Variants in CRIM1 observed in about 807,000 individuals in gnomAD.
The protein encoded by CRIM1 is cysteine rich transmembrane BMP regulator 1, also known as cysteine-rich motor neuron 1 protein.
CRIM1 carries 32 observed loss-of-function variants against 116.4 expected under a neutral mutation model. That is an observed-to-expected ratio of 0.27 (90% CI 0.21 to 0.37). CRIM1 has a LOEUF of 0.37. Ranked by LOEUF, CRIM1 falls within the 10% of genes least tolerant of loss-of-function variation. CRIM1 has a pLI of 1.00. For missense variants in CRIM1, 1,331 were observed against 1,354.8 expected, an observed-to-expected ratio of 0.98 and a Z score of 0.28; for synonymous variants, 590 against 509.2, an observed-to-expected ratio of 1.16 and a Z score of -2.13.
chr2:36,377,261 T>G (rs756254310), intron 1 of CRIM1, among the ~76,000 whole-genome samples: 1 of 152,248 alleles, frequency 6.6e-6, no homozygotes, highest in Non-Finnish European at 1.5e-5. Context: ...ACCCCAGTCT[T>G]GGGGCATTTT....
chr2:36,417,787 A>G (rs1673738440), intron 2 of CRIM1, among the ~76,000 whole-genome samples: 1 of 152,224 alleles, frequency 6.6e-6, no homozygotes, highest in Non-Finnish European at 1.5e-5. Flanking sequence ...ACTCACTAGA[A>G]TAGAAAGTAG....
chr2:36,458,257 ACAT>A (rs1449845343), intron 4 of CRIM1, among the ~76,000 whole-genome samples: 1 of 152,120 alleles, frequency 6.6e-6, no homozygotes. Context: ...TGTTAGGATA[ACAT>A]CAGCACCCAC....
chr2:36,369,500 A>T (rs892356702), intron 1 of CRIM1, among the ~76,000 whole-genome samples: 7 of 152,204 alleles, frequency 4.6e-5, no homozygotes, highest in Non-Finnish European at 7.3e-5. Context: ...CTCTGTGAGG[A>T]TCCCTTCCAA....
intron 2 of CRIM1, among the ~76,000 whole-genome samples, chr2:36,401,481 T>G (rs911201022): frequency 6.6e-6 from 1 of 152,212 alleles, no homozygotes; most frequent in Non-Finnish European, 1.5e-5. Context: ...TATGTTAGAC[T>G]GAGCACCACA....
At chr2:36,522,028 A>G in intron 12 of CRIM1, 64 bp from the exon 13 acceptor site, 1 of 1,391,602 alleles carries the variant, frequency 7.2e-7, no homozygotes, top group Non-Finnish European at 1.0e-6. Flanking sequence ...TTTGAAACAC[A>G]CTATGTTGCA....
intron 2 of CRIM1, among the ~76,000 whole-genome samples, chr2:36,424,188 A>G (rs75651405): frequency 0.012 from 1,753 of 152,306 alleles, 32 homozygotes; most frequent in African/African-American, 0.039. Flanking sequence ...TAATGATGCA[A>G]TGTGAACATT....
intron 8 of CRIM1, among the ~76,000 whole-genome samples, chr2:36,505,245 A>G (rs546679050): frequency 6.6e-6 from 1 of 152,350 alleles, no homozygotes; most frequent in African/African-American, 2.4e-5. Flanking sequence ...CTAAGAGTTT[A>G]AAATACACTA....
chr2:36,460,004 TA>T (rs1358413586), intron 4 of CRIM1, among the ~76,000 whole-genome samples: 1 of 152,076 alleles, frequency 6.6e-6, no homozygotes, highest in African/African-American at 2.4e-5. Flanking sequence ...CAGAACCTCC[TA>T]AGGGGGTGAG....
intron 11 of CRIM1, 76 bp from the exon 12 acceptor site, chr2:36,517,251 G>A: frequency 8.3e-7 from 1 of 1,205,254 alleles, no homozygotes; most frequent in Non-Finnish European, 1.2e-6. Flanking sequence ...ATCCCTTAAA[G>A]CAAACAGCAC....
At chr2:36,396,914 A>G (rs1422068855) in intron 2 of CRIM1, 127 bp downstream of exon 2, 2 of 759,464 alleles carry the variant, frequency 2.6e-6, no homozygotes, top group South Asian at 2.3e-5. Flanking sequence ...GTATAATCCC[A>G]ACTAAGATGC....
At chr2:36,517,279 G>C (rs1438310603) in intron 11 of CRIM1, 48 bp from the exon 12 acceptor site, 2 of 1,504,238 alleles carry the variant, frequency 1.3e-6, no homozygotes, top group Non-Finnish European at 1.9e-6. Context: ...TCAAGAGTTG[G>C]AAAGATTGCA....
chr2:36,538,452 C>T (rs1168218016), intron 14 of CRIM1, among the ~76,000 whole-genome samples: 2 of 152,162 alleles, frequency 1.3e-5, no homozygotes, highest in Non-Finnish European at 2.9e-5. Context: ...CCTCGATTCT[C>T]ATGTTTTCTC....
At chr2:36,533,021 T>G (rs1468958706) in intron 13 of CRIM1, among the ~76,000 whole-genome samples, 2 of 152,230 alleles carry the variant, frequency 1.3e-5, no homozygotes, top group Non-Finnish European at 2.9e-5. Context: ...ATAAACTGTT[T>G]TGGTTATTTT....
chr2:36,491,124 G>T (rs1358559765), intron 7 of CRIM1, among the ~76,000 whole-genome samples: 3 of 152,166 alleles, frequency 2.0e-5, no homozygotes, highest in Non-Finnish European at 4.4e-5. Context: ...AAGGAGTAGG[G>T]TAGTTCCAGA....
chr2:36,521,402 G>T (rs1665380760), intron 12 of CRIM1, among the ~76,000 whole-genome samples: 1 of 152,146 alleles, frequency 6.6e-6, no homozygotes, highest in South Asian at 2.1e-4. Flanking sequence ...ATGAGAATTT[G>T]TCTGAATATT....
intron 4 of CRIM1, among the ~76,000 whole-genome samples, chr2:36,463,875 C>T (rs923901292): frequency 4.6e-5 from 7 of 152,090 alleles, no homozygotes; most frequent in Non-Finnish European, 1.0e-4. Context: ...TTTCAGCTTC[C>T]AAGATAGCTG....
intron 4 of CRIM1, among the ~76,000 whole-genome samples, chr2:36,452,363 G>A (rs575661238): frequency 6.6e-6 from 1 of 152,272 alleles, no homozygotes; most frequent in African/African-American, 2.4e-5. Flanking sequence ...ATTTGGAAGT[G>A]TATTTGAAGC....
intron 5 of CRIM1, among the ~76,000 whole-genome samples, chr2:36,473,537 A>T (rs1335279082): frequency 6.6e-6 from 1 of 152,152 alleles, no homozygotes; most frequent in Non-Finnish European, 1.5e-5. Flanking sequence ...CTAAGCTCTC[A>T]GATCTAGGCA....
At chr2:36,428,968 A>G (rs1474716933) in intron 2 of CRIM1, among the ~76,000 whole-genome samples, 1 of 152,230 alleles carries the variant, frequency 6.6e-6, no homozygotes, top group Non-Finnish European at 1.5e-5. Context: ...TGAAGTGAGC[A>G]TAAATGACAG....
Sources: allele counts gnomAD v4.1 joint callset (sites outside exome capture counted in the v4.1 genomes callset), GRCh38; gene constraint gnomAD v4.1.1; transcripts MANE v1.5; gene names NCBI Gene and HGNC (gene_info 2026-07-23, HGNC 2026-07-21).